The following TMEM51 variants were observed in gnomAD, a reference collection of about 807,000 sequenced individuals.
TMEM51 encodes transmembrane protein 51.
TMEM51 carries 8 observed loss-of-function variants against 13.6 expected under a neutral mutation model. The ratio of observed to expected loss-of-function variants is 0.59; its 90% CI spans 0.35 to 1.07. The LOEUF (loss-of-function observed/expected upper bound fraction) is 1.07, where lower values mean the gene tolerates loss of function less well. TMEM51 is among the 50% of genes least tolerant of loss of function. The pLI is 0.02. For missense variants in TMEM51, 279 were observed against 330.7 expected, an observed-to-expected ratio of 0.84 and a Z score of 1.21; for synonymous variants, 147 against 144.4, an observed-to-expected ratio of 1.02 and a Z score of -0.13.
intron 1 of TMEM51, among the ~76,000 whole-genome samples, chr1:15,169,026 T>A (rs914759983): frequency 4.6e-5 from 7 of 152,140 alleles, no homozygotes; most frequent in African/African-American, 1.7e-4. Flanking sequence ...CTGAAGGACT[T>A]AAGGCACTCC....
chr1:15,190,673 G>A (rs1002822546), intron 1 of TMEM51, among the ~76,000 whole-genome samples: 1 of 152,210 alleles, frequency 6.6e-6, no homozygotes, highest in Non-Finnish European at 1.5e-5. Context: ...GCCTTTGCAG[G>A]TGTGATTAAG....
chr1:15,197,093 C>T (rs1192734864), intron 1 of TMEM51, among the ~76,000 whole-genome samples: 1 of 152,242 alleles, frequency 6.6e-6, no homozygotes, highest in Non-Finnish European at 1.5e-5. Context: ...CTGCCCAATG[C>T]TCTGAGCTGC....
intron 2 of TMEM51, 32 bp downstream of exon 2, chr1:15,210,594 T>G (rs956171432): frequency 2.6e-5 from 4 of 152,192 alleles, no homozygotes; most frequent in African/African-American, 9.7e-5. Flanking sequence ...TAATAATTTT[T>G]CTTTAAAAAC....
intron 1 of TMEM51, among the ~76,000 whole-genome samples, chr1:15,195,077 A>C (rs370273161): frequency 2.6e-5 from 4 of 151,780 alleles, no homozygotes; most frequent in African/African-American, 9.7e-5. Context: ...GGCACTCACC[A>C]CCATGCCCCG....
Position 15,219,356 on chromosome 1 carries a change from T to G in TMEM51, c.375T>G (p.Ala125=). The change falls in exon 4 of 4, where the codon GCT becomes GCG. Residue 125 remains alanine (A), a synonymous_variant. Transcript: ENST00000376008. ...SQEEEEEDEE[A]ASRYYVPSYE... ...AGGAAGAAGAGGAGGATGAGGAGGC[T>G]GCCTCAAGGTACTATGTTCCCAGCT... 6.3e-7 allele frequency: 1 copy of G among 1,593,388 alleles called. No homozygotes were observed. Among genetic ancestry groups the G allele is most frequent in the Non-Finnish European group, 8.6e-7 (1 of 1,166,998 alleles).
At chr1:15,180,644 A>G (rs895271653) in intron 1 of TMEM51, among the ~76,000 whole-genome samples, 8 of 152,138 alleles carry the variant, frequency 5.3e-5, no homozygotes, top group African/African-American at 1.9e-4. Context: ...ATGATTGCCT[A>G]TGTTTCTCTG....
intron 1 of TMEM51, among the ~76,000 whole-genome samples, chr1:15,195,701 A>C (rs1191152557): frequency 6.6e-6 from 1 of 152,046 alleles, no homozygotes; most frequent in Non-Finnish European, 1.5e-5. Context: ...CATCACCCCC[A>C]TTCTGAGACT....
chr1:15,191,936 T>C, intron 1 of TMEM51: 1 of 532,832 alleles, frequency 1.9e-6, no homozygotes, highest in Non-Finnish European at 3.8e-6. Context: ...TGTAGGCGTC[T>C]ATTTAGTTTG....
chr1:15,162,232 G>A (rs950236240), intron 1 of TMEM51, among the ~76,000 whole-genome samples: 8 of 152,166 alleles, frequency 5.3e-5, no homozygotes, highest in African/African-American at 1.7e-4. Flanking sequence ...GCACAATCTT[G>A]GCTCACTGCA....
At chr1:15,179,925 A>G (rs1339119159) in intron 1 of TMEM51, among the ~76,000 whole-genome samples, 1 of 152,236 alleles carries the variant, frequency 6.6e-6, no homozygotes, top group African/African-American at 2.4e-5. Context: ...TCTCTGGGCA[A>G]TGGTTACATG....
chr1:15,158,221 C>G (rs916987381), intron 1 of TMEM51, among the ~76,000 whole-genome samples: 1 of 152,236 alleles, frequency 6.6e-6, no homozygotes, highest in African/African-American at 2.4e-5. Flanking sequence ...CAGGTATTCC[C>G]TTGGCCAAAA....
intron 1 of TMEM51, among the ~76,000 whole-genome samples, chr1:15,186,378 C>A (rs949430607): frequency 6.6e-6 from 1 of 152,110 alleles, no homozygotes; most frequent in Non-Finnish European, 1.5e-5. Flanking sequence ...TAACAGTCTA[C>A]CCCAGAATGG....
At chr1:15,186,241 G>T (rs1405887548) in intron 1 of TMEM51, among the ~76,000 whole-genome samples, 1 of 152,244 alleles carries the variant, frequency 6.6e-6, no homozygotes, top group Non-Finnish European at 1.5e-5. Context: ...GCCACTGAAA[G>T]TTCTTGAGCA....
chr1:15,174,122 T>C (rs1483203410), intron 1 of TMEM51, among the ~76,000 whole-genome samples: 1 of 152,168 alleles, frequency 6.6e-6, no homozygotes, highest in Admixed American at 6.5e-5. Flanking sequence ...GGCGGGAACT[T>C]CGAGAGCAGC....
chr1:15,172,232 A>G (rs988346808), intron 1 of TMEM51, among the ~76,000 whole-genome samples: 1 of 151,930 alleles, frequency 6.6e-6, no homozygotes, highest in African/African-American at 2.4e-5. Flanking sequence ...AAAAATACCA[A>G]AATTAGTGGA....
At chr1:15,173,066 G>A (rs1393207503) in intron 1 of TMEM51, among the ~76,000 whole-genome samples, 2 of 152,142 alleles carry the variant, frequency 1.3e-5, no homozygotes, top group African/African-American at 2.4e-5. Context: ...AACCGAATGA[G>A]GCCATGTGTA....
chr1:15,203,626 C>T, intron 1 of TMEM51, among the ~76,000 whole-genome samples: 1 of 152,124 alleles, frequency 6.6e-6, no homozygotes, highest in East Asian at 1.9e-4. Flanking sequence ...GCTACCATAC[C>T]ACAGACTCTA....
intron 1 of TMEM51, among the ~76,000 whole-genome samples, chr1:15,206,305 C>A (rs927122147): frequency 2.0e-5 from 3 of 151,154 alleles, no homozygotes; most frequent in Non-Finnish European, 4.4e-5. Context: ...TTACCTGTCA[C>A]CCCCTCACAC....
chr1:15,156,108 A>G (rs1335712636), intron 1 of TMEM51, among the ~76,000 whole-genome samples: 1 of 152,094 alleles, frequency 6.6e-6, no homozygotes, highest in Non-Finnish European at 1.5e-5. Context: ...CTGGGGTTCT[A>G]CATGAGGCCC....
Sources: allele counts gnomAD v4.1 joint callset (sites outside exome capture counted in the v4.1 genomes callset), GRCh38; gene constraint gnomAD v4.1.1; transcripts MANE v1.5; gene names NCBI Gene and HGNC (gene_info 2026-07-23, HGNC 2026-07-21).